Variants in NPC1 observed in about 807,000 individuals in gnomAD.
The protein encoded by NPC1 is Niemann-Pick C1 protein.
Under a neutral mutation model 140.4 loss-of-function variants are expected in NPC1, and 85 were observed. The ratio of observed to expected loss-of-function variants is 0.61; its 90% confidence interval spans 0.51 to 0.72. The LOEUF (loss-of-function observed/expected upper bound fraction) is 0.72, where lower values mean the gene tolerates loss of function less well. Ranked by LOEUF, NPC1 falls within the 30% of genes least tolerant of loss-of-function variation. The pLI is 0.00. For synonymous variants in NPC1, 656 were observed against 624.8 expected, an observed-to-expected ratio of 1.05 and a Z score of -0.74; for missense variants, 1,504 against 1,623.8, an observed-to-expected ratio of 0.93 and a Z score of 1.27.
rs145666943 is a variant in NPC1 at position 23,573,452 on chromosome 18, C to A, written c.180G>T (p.Gln60His). ...CCAGTGCCTAAGATAATGAACTTAC[C>A]TGCACTAAGTCATATCCATCCTTTG... The part of the protein sequence containing the change: ...PLPKDGYDLV[Q>H]ELCPGFFFGN... Residue 60 changes from glutamine to histidine, a missense_variant and splice_region_variant, in exon 2 of 25, where the codon CAG (glutamine) becomes CAT (histidine). Transcript: ENST00000269228. 394 of 1,614,102 alleles carry A rather than the reference C, an allele frequency of 2.4e-4. No individual in the cohort carries two copies. Among genetic ancestry groups the A allele is most frequent in the Non-Finnish European group, 2.7e-4 (324 of 1,180,000 alleles).
rs149559712 is a variant in NPC1 at position 23,560,242 on chromosome 18, C to T, written c.870G>A (p.Val290=). ...ACAAAACTGCTTACCTGTAGCACCA[C>T]ACTGCAAAAAATGCTCCAAAAAACA... The part of the protein sequence containing the change: ...LLVFFGAFFA[V]WCYRKRYFVS... The change falls in exon 6 of 25, where the codon GTG becomes GTA. Residue 290 remains valine (V), a synonymous_variant. Coordinates refer to ENST00000269228, the MANE Select transcript of NPC1 (RefSeq NM_000271.5). 1.7e-5 allele frequency: 28 copies of T among 1,614,026 alleles called. No homozygotes were observed. Among genetic ancestry groups the T allele is most frequent in the Non-Finnish European group, 1.9e-5 (22 of 1,180,040 alleles).
intron 23 of NPC1, chr18:23,533,795 C>T (rs533708854): frequency 8.5e-5 from 38 of 447,536 alleles, no homozygotes; most frequent in African/African-American, 7.0e-4. Context: ...CATGAGCCAC[C>T]GTGGCCAGCC....
At chr18:23,528,120 A>AC, downstream of NPC1, 1 of 462,050 alleles carries the variant, frequency 2.2e-6, no homozygotes, top group South Asian at 3.2e-5. Context: ...CTCACTTCAT[A>AC]CCTTCACTGT....
intron 8 of NPC1, among the ~76,000 whole-genome samples, chr18:23,555,606 T>A (rs565815822): frequency 6.6e-6 from 1 of 152,312 alleles, no homozygotes; most frequent in South Asian, 2.1e-4. Context: ...ATACATTCAT[T>A]AAAAAAGAAG....
downstream of NPC1, chr18:23,526,486 C>A: frequency 1.1e-6 from 1 of 905,596 alleles, no homozygotes; most frequent in Non-Finnish European, 1.6e-6. Context: ...CTCAGCTCTG[C>A]TTTGGTTAGG....
chr18:23,545,658 T>G (rs1376583800), intron 11 of NPC1, among the ~76,000 whole-genome samples: 3 of 152,232 alleles, frequency 2.0e-5, no homozygotes, highest in African/African-American at 7.2e-5. Flanking sequence ...GTGGCACTAT[T>G]ACAGCTCACT....
chr18:23,522,076 C>T (rs760122250), downstream of NPC1, among the ~76,000 whole-genome samples: 6 of 152,220 alleles, frequency 3.9e-5, no homozygotes, highest in Non-Finnish European at 7.3e-5. Context: ...AGTTCAGAAT[C>T]GCACTCTGGC....
At chr18:23,573,074 C>G (rs2059226038) in intron 2 of NPC1, among the ~76,000 whole-genome samples, 1 of 152,156 alleles carries the variant, frequency 6.6e-6, no homozygotes. Context: ...GACCAGGGGA[C>G]AAGGACGTCA....
intron 6 of NPC1, among the ~76,000 whole-genome samples, chr18:23,559,492 C>CTTTTTT (rs57612444): frequency 1.2e-3 from 100 of 81,432 alleles, no homozygotes; most frequent in Middle Eastern, 0.026. Flanking sequence ...TTGACTCTGA[C>CTTTTTT]TTTTTTTTTT....
At chr18:23,560,574 C>T in intron 5 of NPC1, 94 bp from the exon 6 acceptor site, 1 of 1,246,122 alleles carries the variant, frequency 8.0e-7, no homozygotes, top group Non-Finnish European at 1.1e-6. Context: ...CACTGAAATA[C>T]ATAAAACAAC....
Position 23,560,283 on chromosome 18 carries a change from T to C in NPC1, c.829A>G (p.Met277Val), listed in dbSNP as rs781523834. Residue 277 changes from methionine to valine, a missense_variant, in exon 6 of 25, where the codon ATG becomes GTG. Coordinates refer to ENST00000269228, the MANE Select transcript of NPC1 (RefSeq NM_000271.5). ...CCAAAAAACACAAGCAAAAACGCCA[T>C]GTAGGTGATCCACATGATGACATAC... ...AMYVIMWITY[M>V]AFLLVFFGAF... 6 of 1,614,066 alleles carry C rather than the reference T, an allele frequency of 3.7e-6. 1 individual carries two copies. The highest frequency in any genetic ancestry group is 2.2e-5 in the South Asian group (2 of 91,086).
At chr18:23,519,687 C>T (rs185710191), downstream of NPC1, among the ~76,000 whole-genome samples, 246 of 152,246 alleles carry the variant, frequency 1.6e-3, no homozygotes, top group Non-Finnish European at 2.9e-3. Flanking sequence ...CAGAAACTAA[C>T]GCTTGAGATT....
At chr18:23,547,853 G>A (rs2058810808) in intron 11 of NPC1, among the ~76,000 whole-genome samples, 153 bp downstream of exon 11, 2 of 152,234 alleles carry the variant, frequency 1.3e-5, no homozygotes, top group Admixed American at 6.5e-5. Flanking sequence ...TGTGTTTACA[G>A]TTTCTTCTTA....
chr18:23,564,086 G>A (rs1409699337), intron 4 of NPC1, among the ~76,000 whole-genome samples: 1 of 144,848 alleles, frequency 6.9e-6, no homozygotes, highest in African/African-American at 2.6e-5. Context: ...CCAGGCTGAA[G>A]CAATTCTCCT....
At chr18:23,530,542 T>C, downstream of NPC1, 1 of 1,614,242 alleles carries the variant, frequency 6.2e-7, no homozygotes, top group Non-Finnish European at 8.5e-7. Flanking sequence ...ACAACATGCT[T>C]TTCTATACAA....
Position 23,540,480 on chromosome 18 carries a change from T to A in NPC1, c.2572A>T (p.Ile858Phe), listed in dbSNP as rs1805082. 6.2e-7 allele frequency: 1 copy of A among 1,607,558 alleles called. No individual in the cohort carries two copies. Among genetic ancestry groups the A allele is most frequent in the African/African-American group, 1.3e-5 (1 of 74,388 alleles). ...ATCGAAAGAGACTGATCCAATCCAA[T>A]ATCTACTTTGTTCAGGACTGCGATG... ...FSIAVLNKVD[I>F]GLDQSLSMPD... The change falls in exon 17 of 25, where the codon ATT becomes TTT. Residue 858 changes from isoleucine (I) to phenylalanine (F), a missense_variant. By Grantham distance (21) the Ile-to-Phe change is conservative. Coordinates refer to ENST00000269228, the MANE Select transcript of NPC1 (RefSeq NM_000271.5).
At chr18:23,536,638 C>A in intron 21 of NPC1, 35 bp downstream of exon 21, 2 of 1,587,140 alleles carry the variant, frequency 1.3e-6, no homozygotes, top group Non-Finnish European at 1.7e-6. Flanking sequence ...AGGCCCTTTG[C>A]TGGGTAAACC....
At chr18:23,520,160 C>G (rs1160969193), downstream of NPC1, 1 of 1,488,876 alleles carries the variant, frequency 6.7e-7, no homozygotes. Flanking sequence ...CTGGGCAAAC[C>G]ATGATTGATT....
chr18:23,517,868 C>G (rs2058050444), downstream of NPC1, among the ~76,000 whole-genome samples: 1 of 152,150 alleles, frequency 6.6e-6, no homozygotes, highest in Non-Finnish European at 1.5e-5. Context: ...CAGGCGCATG[C>G]CACCACATCT....
Sources: gnomAD v4.1 joint callset for allele counts (sites outside exome capture counted in the v4.1 genomes callset) on GRCh38, gnomAD v4.1.1 for gene constraint, MANE v1.5 for transcripts, NCBI Gene and HGNC (gene_info 2026-07-23, HGNC 2026-07-21) for gene names.